Variants in TMEM167A observed in about 807,000 individuals in gnomAD.
TMEM167A encodes protein kish-A.
In TMEM167A, 8 loss-of-function variants were observed where a neutral mutation model predicts 11.6. The ratio of observed to expected loss-of-function variants is 0.69; its 90% CI spans 0.40 to 1.24. The LOEUF is 1.24. Among genes scored for constraint, TMEM167A ranks in the 50% most tolerant of loss-of-function variants. TMEM167A has a pLI of 0.01. For synonymous variants in TMEM167A, 22 were observed against 28.0 expected, an observed-to-expected ratio of 0.79 and a Z score of 0.67; for missense variants, 62 against 87.0, an observed-to-expected ratio of 0.71 and a Z score of 1.14.
chr5:83,057,773 T>C (rs1049450488), intron 3 of TMEM167A, among the ~76,000 whole-genome samples: 5 of 152,122 alleles, frequency 3.3e-5, no homozygotes, highest in African/African-American at 1.2e-4. Context: ...ACCACTTCTG[T>C]ATCAGTCAAT....
chr5:83,068,767 T>A (rs574333267), intron 1 of TMEM167A, among the ~76,000 whole-genome samples: 50 of 152,288 alleles, frequency 3.3e-4, no homozygotes, highest in Admixed American at 3.3e-3. Context: ...ATCTTCAAAG[T>A]AGGTTTATCA....
intron 3 of TMEM167A, among the ~76,000 whole-genome samples, chr5:83,057,472 A>T (rs1405905187): frequency 1.3e-5 from 2 of 152,088 alleles, no homozygotes; most frequent in Non-Finnish European, 2.9e-5. Flanking sequence ...GAGATCCAAG[A>T]GAAACGATCT....
intron 2 of TMEM167A, among the ~76,000 whole-genome samples, chr5:83,062,359 C>T (rs377072795): frequency 1.3e-5 from 2 of 152,042 alleles, no homozygotes; most frequent in African/African-American, 4.8e-5. Flanking sequence ...GAATGTAGCT[C>T]TAAAGTTAAA....
At chr5:83,061,974 T>G in intron 2 of TMEM167A, 63 bp from the exon 3 acceptor site, 2 of 1,330,892 alleles carry the variant, frequency 1.5e-6, no homozygotes, top group Non-Finnish European at 2.2e-6. Context: ...AATTATTCTC[T>G]TGATATCATA....
In TMEM167A at chr5:83,056,103, G is replaced by A. The variant is rs1316062406; in HGVS notation, c.*981C>T. On this transcript the variant is annotated 3_prime_UTR_variant, in exon 4 of 4. Coordinates refer to ENST00000502346, the MANE Select transcript of TMEM167A (RefSeq NM_174909.5). ...AAAGTTCAAAGATACTTGTGCCACAGTATACAAATCAGCAGATTTGAAAAC... is the reference window on the plus strand; with the variant it reads ...AAAGTTCAAAGATACTTGTGCCACAATATACAAATCAGCAGATTTGAAAAC... The A allele has an allele frequency of 2.0e-5, 3 of 151,950 alleles. No individual in the cohort carries two copies. The highest frequency in any genetic ancestry group is 1.3e-4 in the Admixed American group (2 of 15,234). The allele number at this position is 151,950 out of a possible 1,614,324, so 9.4% of individuals were successfully genotyped here.
At chr5:83,076,924 C>T (rs1287007099) in intron 1 of TMEM167A, among the ~76,000 whole-genome samples, 2 of 152,090 alleles carry the variant, frequency 1.3e-5, no homozygotes, top group Non-Finnish European at 2.9e-5. Context: ...AAAGAAACTC[C>T]CCCCAAAAAT....
intron 2 of TMEM167A, chr5:83,064,388 T>C: frequency 2.0e-6 from 1 of 511,152 alleles, no homozygotes. Flanking sequence ...GAAAGTATTC[T>C]ACTACTATGT....
intron 3 of TMEM167A, 113 bp from the exon 4 acceptor site, chr5:83,057,267 ATT>A: frequency 1.1e-6 from 1 of 917,824 alleles, no homozygotes; most frequent in Admixed American, 2.0e-5. Context: ...AGGCCCGCAC[ATT>A]GGGGGTGGGG....
At chr5:83,063,439 T>C (rs145979419) in intron 2 of TMEM167A, among the ~76,000 whole-genome samples, 1 of 152,214 alleles carries the variant, frequency 6.6e-6, no homozygotes, top group Non-Finnish European at 1.5e-5. Flanking sequence ...AGGTTAGGCA[T>C]TTGCAAAGCC....
Position 83,056,781 on chromosome 5 carries a change from T to C in TMEM167A, c.*303A>G, listed in dbSNP as rs1447662786. On this transcript the variant is annotated 3_prime_UTR_variant, in exon 4 of 4. Coordinates refer to ENST00000502346, the MANE Select transcript of TMEM167A (RefSeq NM_174909.5). The stretch of plus-strand genomic sequence containing the variant: ...TGAGTAATTAACCAATTTTGTTTTC[T>C]ACTATGTGCCTTAGAGATACCTCAC... 9.0e-6 allele frequency: 3 copies of C among 333,170 alleles called. No homozygotes were observed. The highest frequency in any genetic ancestry group is 5.2e-5 in the Admixed American group (1 of 19,368). The allele number at this position is 333,170 out of a possible 1,614,324, so 20.6% of individuals were successfully genotyped here. A position where few individuals can be genotyped will look rare whatever the true frequency, so the allele number is the denominator to read the frequency against.
At chr5:83,068,126 T>C (rs1224780493) in intron 1 of TMEM167A, among the ~76,000 whole-genome samples, 1 of 73,514 alleles carries the variant, frequency 1.4e-5, no homozygotes, top group East Asian at 2.1e-4. Flanking sequence ...ATTTTGAATA[T>C]GTATGTGAAT....
chr5:83,056,985 C>T lies in TMEM167A; in HGVS notation c.*99G>A, dbSNP rs920941296. 45 of 1,038,976 alleles carry T rather than the reference C, an allele frequency of 4.3e-5. No individual in the cohort carries two copies. The highest frequency in any genetic ancestry group is 3.9e-4 in the East Asian group (16 of 41,024). 64.4% of individuals were successfully genotyped at this position (1,038,976 alleles called of 1,614,324 possible). A position where few individuals can be genotyped will look rare whatever the true frequency, so the allele number is the denominator to read the frequency against. On this transcript the variant is annotated 3_prime_UTR_variant, in exon 4 of 4. Coordinates refer to ENST00000502346, the MANE Select transcript of TMEM167A (RefSeq NM_174909.5). ...CTGGAAATTTATCTCATTCAATGTT[C>T]GGAGATAAAAGAGTTAAACATCCTT...
At position 83,056,231 on chromosome 5, in the gene TMEM167A, C is replaced by G. The variant is rs1489804957; in HGVS notation, c.*853G>C. 1 of 151,936 alleles carries G rather than the reference C, an allele frequency of 6.6e-6. No homozygotes were observed. Among genetic ancestry groups the G allele is most frequent in the African/African-American group, 2.4e-5 (1 of 41,392 alleles). The allele number at this position is 151,936 out of a possible 1,614,324, so 9.4% of individuals were successfully genotyped here. On this transcript the variant is annotated 3_prime_UTR_variant, in exon 4 of 4. Coordinates refer to ENST00000502346, the MANE Select transcript of TMEM167A (RefSeq NM_174909.5). ...TAAAAAACAAAACAAAAATACAGTT[C>G]CTTTACGGCAATTAAAATAAATGTT... is the stretch of plus-strand genomic sequence containing the variant.
At chr5:83,058,687 T>G (rs1744366672) in intron 3 of TMEM167A, among the ~76,000 whole-genome samples, 1 of 152,132 alleles carries the variant, frequency 6.6e-6, no homozygotes, top group African/African-American at 2.4e-5. Context: ...GTTTTCCATA[T>G]GGTGGAAATT....
chr5:83,065,132 A>G lies in TMEM167A; in HGVS notation c.4-15T>C, dbSNP rs1331457506. The G allele has an allele frequency of 1.3e-5, 19 of 1,494,698 alleles. No homozygotes were observed. Among genetic ancestry groups the G allele is most frequent in the Non-Finnish European group, 1.7e-5 (19 of 1,099,852 alleles). 92.6% of individuals were successfully genotyped at this position (1,494,698 alleles called of 1,614,324 possible). A position where few individuals can be genotyped will look rare whatever the true frequency, so the allele number is the denominator to read the frequency against. On this transcript the variant is annotated splice_polypyrimidine_tract_variant and intron_variant, in intron 1 of 3. Transcript: ENST00000502346. Reference sequence around the variant, plus strand: ...AAAATGGCAGACTAAAAAGAAAAAAAAAAAAGAAAAATTAATATCAAGAAA... The same window carrying G: ...AAAATGGCAGACTAAAAAGAAAAAAGAAAAAGAAAAATTAATATCAAGAAA...
At position 83,061,928 on chromosome 5, in the gene TMEM167A, A is replaced by C. The variant is rs6868764; in HGVS notation, c.114-17T>G. The C allele has an allele frequency of 6.2e-7, 1 of 1,607,182 alleles. No homozygotes were observed. The highest frequency in any genetic ancestry group is 1.1e-5 in the South Asian group (1 of 90,642). ...CCCAACAATCTGCATAGAATAAAAA[A>C]AGAAAAAAAGTAGCTATTGATTACT... On this transcript the variant is annotated splice_polypyrimidine_tract_variant and intron_variant, in intron 2 of 3. Coordinates refer to ENST00000502346, the MANE Select transcript of TMEM167A (RefSeq NM_174909.5).
rs1340386430 is a variant in TMEM167A at position 83,054,519 on chromosome 5, A to C, written c.*2565T>G. 6.6e-6 allele frequency: 1 copy of C among 151,998 alleles called. No homozygotes were observed. The highest frequency in any genetic ancestry group is 1.9e-4 in the East Asian group (1 of 5,182). The allele number at this position is 151,998 out of a possible 1,614,324, so 9.4% of individuals were successfully genotyped here. ...CATCATCCGATCCTGCCCTGTAACA[A>C]CAGGTCTATATGATAGAGATATTCC... is the stretch of plus-strand genomic sequence containing the variant. On this transcript the variant is annotated 3_prime_UTR_variant, in exon 4 of 4. Coordinates refer to ENST00000502346, the MANE Select transcript of TMEM167A (RefSeq NM_174909.5).
At position 83,069,060 on chromosome 5, in the gene TMEM167A, G is replaced by A. The variant is rs954103650; in HGVS notation, c.4-3943C>T. Among the ~76,000 whole-genome samples the A allele has an allele frequency of 5.3e-5, 8 of 152,136 alleles. No homozygotes were observed. The East Asian group carries it at 7.7e-4, about 15-fold the overall frequency. ...TTAGGAAAGTAGAGTGTGTATATACGTTTGTGTGTGAAGCCATTTACAAAA... is the reference window on the plus strand; with the variant it reads ...TTAGGAAAGTAGAGTGTGTATATACATTTGTGTGTGAAGCCATTTACAAAA... On this transcript the variant is annotated intron_variant, in intron 1 of 3. Transcript: ENST00000502346.
intron 1 of TMEM167A, among the ~76,000 whole-genome samples, chr5:83,066,160 G>C (rs1744478401): frequency 6.6e-6 from 1 of 152,088 alleles, no homozygotes; most frequent in African/African-American, 2.4e-5. Context: ...GAAAGTGCAA[G>C]AATATTACTG....
Sources: gnomAD v4.1 joint callset for allele counts (sites outside exome capture counted in the v4.1 genomes callset) on GRCh38, gnomAD v4.1.1 for gene constraint, MANE v1.5 for transcripts, NCBI Gene and HGNC (gene_info 2026-07-23, HGNC 2026-07-21) for gene names.